Variants in RNFT2 observed in about 807,000 individuals in gnomAD.
RNFT2 encodes ring finger protein, transmembrane 2, also known as E3 ubiquitin-protein ligase RNFT2.
In RNFT2, 36 loss-of-function variants were observed where a neutral mutation model predicts 53.0. The ratio of observed to expected loss-of-function variants is 0.68; its 90% CI spans 0.52 to 0.90. RNFT2 has a LOEUF of 0.90. Among genes scored for constraint, RNFT2 ranks in the 40% least tolerant of loss-of-function variants. RNFT2 has a pLI of 0.00. For missense variants in RNFT2, 514 were observed against 585.6 expected, an observed-to-expected ratio of 0.88 and a Z score of 1.26; for synonymous variants, 260 against 253.2, an observed-to-expected ratio of 1.03 and a Z score of -0.26.
chr12:116,846,516 C>A (rs1288369895), intron 10 of RNFT2, among the ~76,000 whole-genome samples: 1 of 149,048 alleles, frequency 6.7e-6, no homozygotes, highest in Non-Finnish European at 1.5e-5. Flanking sequence ...TCTCAAACTC[C>A]TGGCCTCGAG....
chr12:116,819,430 C>T (rs1438820167), intron 7 of RNFT2, among the ~76,000 whole-genome samples: 2 of 152,100 alleles, frequency 1.3e-5, no homozygotes, highest in African/African-American at 2.4e-5. Context: ...ACCTCATCGG[C>T]CGGCGCCGTC....
In RNFT2 at chr12:116,823,571, C is replaced by T. The variant is rs563252687; in HGVS notation, c.883-10221C>T. On this transcript the variant is annotated intron_variant, in intron 7 of 10. Coordinates refer to ENST00000257575, the MANE Select transcript of RNFT2 (RefSeq NM_001382266.1). ...CCGTGGCGCATACCTATAATCCCAG[C>T]TACTCTGGTGGCTGAGGCAGGAGAA... Among the ~76,000 whole-genome samples the T allele has an allele frequency of 2.3e-4, 35 of 152,286 alleles. 1 individual carries two copies. The highest frequency in any genetic ancestry group is 2.0e-3 in the Admixed American group (30 of 15,292).
chr12:116,822,982 G>A (rs954925385), intron 7 of RNFT2, among the ~76,000 whole-genome samples: 40 of 152,152 alleles, frequency 2.6e-4, no homozygotes, highest in Non-Finnish European at 4.3e-4. Flanking sequence ...GGGCGATAGT[G>A]CGAGACTCTG....
At position 116,750,274 on chromosome 12, in the gene RNFT2, C is replaced by A. The variant is rs1471372086; in HGVS notation, c.517C>A (p.Leu173Ile). 1 of 1,605,668 alleles carries A rather than the reference C, an allele frequency of 6.2e-7. No individual in the cohort carries two copies. Among genetic ancestry groups the A allele is most frequent in the South Asian group, 1.1e-5 (1 of 90,772 alleles). The change falls in exon 4 of 11, where the codon CTC becomes ATC. Residue 173 changes from leucine (L) to isoleucine (I), a missense_variant. Transcript: ENST00000257575. ...LQKGLPFILI[L>I]LAKLCFQHKL... is the part of the protein sequence containing the mutation. ...GAAAGGACTCCCCTTCATCCTGATC[C>A]TCCTGGCCAAACTGTGCTTTCAGCA... is the stretch of plus-strand genomic sequence containing the variant.
At chr12:116,797,185 G>A (rs1430260030) in intron 7 of RNFT2, among the ~76,000 whole-genome samples, 1 of 152,158 alleles carries the variant, frequency 6.6e-6, no homozygotes, top group Admixed American at 6.5e-5. Context: ...CGAATGTTAT[G>A]GACTGAACTG....
chr12:116,750,416 C>T, intron 4 of RNFT2, 109 bp downstream of exon 4: 1 of 1,010,018 alleles, frequency 9.9e-7, no homozygotes, highest in South Asian at 1.5e-5. Context: ...GCAGCAGAGA[C>T]CAACATGGGC....
intron 10 of RNFT2, among the ~76,000 whole-genome samples, chr12:116,843,800 G>A (rs1228892197): frequency 6.6e-6 from 1 of 152,190 alleles, no homozygotes; most frequent in Non-Finnish European, 1.5e-5. Context: ...GGAGGGCAGG[G>A]ACCAGTCCTT....
chr12:116,842,876 TTTATAC>T (rs1190512247), intron 10 of RNFT2, among the ~76,000 whole-genome samples: 1 of 152,104 alleles, frequency 6.6e-6, no homozygotes, highest in African/African-American at 2.4e-5. Context: ...GCCCGGCGTG[TTTATAC>T]TTTATAAGGG....
At chr12:116,805,097 A>G (rs1191652275) in intron 7 of RNFT2, among the ~76,000 whole-genome samples, 4 of 150,346 alleles carry the variant, frequency 2.7e-5, no homozygotes, top group Non-Finnish European at 5.9e-5. Flanking sequence ...GAGACACATT[A>G]TCAAGAAAGG....
Position 116,852,689 on chromosome 12 carries a change from A to C in RNFT2, c.*3241A>C. On this transcript the variant is annotated 3_prime_UTR_variant, in exon 11 of 11. Coordinates refer to ENST00000257575, the MANE Select transcript of RNFT2 (RefSeq NM_001382266.1). ...GCACAAGAAATTGGAGCTGGAGAAGATTGATGAAAGTGCAGGTGTGTAAGG... is the reference window on the plus strand; with the variant it reads ...GCACAAGAAATTGGAGCTGGAGAAGCTTGATGAAAGTGCAGGTGTGTAAGG... The C allele has an allele frequency of 6.2e-7, 1 of 1,614,030 alleles. No individual in the cohort carries two copies. Among genetic ancestry groups the C allele is most frequent in the Non-Finnish European group, 8.5e-7 (1 of 1,179,886 alleles).
At chr12:116,848,678 T>A (rs945600489) in intron 10 of RNFT2, among the ~76,000 whole-genome samples, 2 of 152,148 alleles carry the variant, frequency 1.3e-5, no homozygotes, top group African/African-American at 2.4e-5. Context: ...GAAGTGCTTT[T>A]CCCCAAGATC....
At chr12:116,792,076 CAG>C (rs777720261) in intron 7 of RNFT2, among the ~76,000 whole-genome samples, 2 of 152,064 alleles carry the variant, frequency 1.3e-5, no homozygotes, top group Non-Finnish European at 2.9e-5. Flanking sequence ...TTTTTTGAGA[CAG>C]AGTCTCTGTT....
At chr12:116,800,158 A>G (rs1874698441) in intron 7 of RNFT2, among the ~76,000 whole-genome samples, 1 of 152,080 alleles carries the variant, frequency 6.6e-6, no homozygotes, top group African/African-American at 2.4e-5. Context: ...CTCCCCCTAC[A>G]GTCTGCAGAA....
At chr12:116,822,117 G>A (rs1321440398) in intron 7 of RNFT2, among the ~76,000 whole-genome samples, 2 of 152,062 alleles carry the variant, frequency 1.3e-5, no homozygotes, top group Non-Finnish European at 2.9e-5. Context: ...TTACAGGTGT[G>A]AGCCACCCTG....
intron 7 of RNFT2, among the ~76,000 whole-genome samples, chr12:116,782,460 C>T (rs944424478): frequency 3.3e-5 from 5 of 152,002 alleles, no homozygotes; most frequent in African/African-American, 9.7e-5. Flanking sequence ...CCAGGAGTTC[C>T]AGGCTTCAGT....
intron 5 of RNFT2, among the ~76,000 whole-genome samples, chr12:116,762,659 A>AACCTCC (rs1336081627): frequency 6.7e-6 from 1 of 150,180 alleles, no homozygotes; most frequent in Non-Finnish European, 1.5e-5. Context: ...GGCTCACTGC[A>AACCTCC]ACCTCTGCCT....
chr12:116,794,679 G>GAAA, intron 7 of RNFT2, among the ~76,000 whole-genome samples: 1 of 121,974 alleles, frequency 8.2e-6, no homozygotes, highest in Admixed American at 8.1e-5. Context: ...AGGAAGGGAG[G>GAAA]GAGGGAGGGA....
intron 2 of RNFT2, 38 bp from the exon 3 acceptor site, chr12:116,740,998 G>A (rs1449899932): frequency 7.0e-6 from 11 of 1,580,996 alleles, no homozygotes; most frequent in Non-Finnish European, 9.5e-6. Context: ...CAGTGGGAGT[G>A]TTGGGAGACT....
At chr12:116,827,488 G>A (rs1165163839) in intron 7 of RNFT2, among the ~76,000 whole-genome samples, 1 of 151,968 alleles carries the variant, frequency 6.6e-6, no homozygotes, top group African/African-American at 2.4e-5. Flanking sequence ...GGGAAATCCT[G>A]GGGATGTGTT....
Sources: gnomAD v4.1 joint callset for allele counts (sites outside exome capture counted in the v4.1 genomes callset) on GRCh38, gnomAD v4.1.1 for gene constraint, MANE v1.5 for transcripts, NCBI Gene and HGNC (gene_info 2026-07-23, HGNC 2026-07-21) for gene names.